PIEZO1: variants seen among roughly 807,000 people sequenced by gnomAD.
PIEZO1 encodes the protein piezo type mechanosensitive ion channel component 1 (Er blood group).
Under a neutral mutation model 297.2 loss-of-function variants are expected in PIEZO1, and 296 were observed. The observed-to-expected ratio is 1.00, with a 90% CI of 0.91 to 1.10. The LOEUF is 1.10. PIEZO1 is among the 50% of genes least tolerant of loss of function. The probability of loss-of-function intolerance (pLI) is 0.00; values close to 1 mark genes in which losing one functional copy is unlikely to be tolerated. For synonymous variants in PIEZO1, 2,427 were observed against 1,507.5 expected (o/e 1.61, Z -14.13); for missense variants, 5,018 against 3,455.5 (o/e 1.45, Z -11.34).
At chr16:88,725,155 TTGGAGACAGGATAGG>T (rs1904334056) in intron 29 of PIEZO1, 75 bp from the exon 30 acceptor site, 4 of 1,052,144 alleles carry the variant, frequency 3.8e-6, no homozygotes, top group Admixed American at 6.0e-5. Flanking sequence ...TGCTCCCGTC[TTGGAGACAGGATAGG>T]TGGAGACAGA....
intron 1 of PIEZO1, among the ~76,000 whole-genome samples, chr16:88,753,631 G>A (rs577290888): frequency 6.6e-6 from 1 of 152,182 alleles, no homozygotes; most frequent in African/African-American, 2.4e-5. Flanking sequence ...TCCCAAGAGT[G>A]GTCAGGACCC....
intron 1 of PIEZO1, among the ~76,000 whole-genome samples, chr16:88,774,683 G>T (rs1265855278): frequency 1.3e-5 from 2 of 152,248 alleles, no homozygotes; most frequent in Non-Finnish European, 2.9e-5. Flanking sequence ...AGACAAGGAT[G>T]GGGCCCAAGG....
At chr16:88,757,611 C>T (rs1163683771) in intron 1 of PIEZO1, among the ~76,000 whole-genome samples, 1 of 152,122 alleles carries the variant, frequency 6.6e-6, no homozygotes, top group East Asian at 1.9e-4. Flanking sequence ...GAAGGAGAGC[C>T]CATGGGTTGA....
intron 27 of PIEZO1, 186 bp downstream of exon 27, chr16:88,726,098 C>G: frequency 1.6e-6 from 1 of 606,640 alleles, no homozygotes; most frequent in South Asian, 2.0e-5. Context: ...AGACCCAGCA[C>G]TGGGGCAGAG....
chr16:88,778,106 A>C (rs995904592), intron 1 of PIEZO1, among the ~76,000 whole-genome samples: 2 of 152,084 alleles, frequency 1.3e-5, no homozygotes, highest in Admixed American at 6.5e-5. Flanking sequence ...GGGAGGGCGG[A>C]CAAACACACC....
intron 5 of PIEZO1, 50 bp from the exon 6 acceptor site, chr16:88,738,786 A>C: frequency 2.7e-6 from 4 of 1,465,308 alleles, no homozygotes; most frequent in Non-Finnish European, 3.7e-6. Context: ...CACTGACGCC[A>C]CCTCTCCAGC....
chr16:88,723,802 T>G (rs1904302901), intron 31 of PIEZO1, 69 bp downstream of exon 31: 1 of 843,242 alleles, frequency 1.2e-6, no homozygotes, highest in African/African-American at 1.7e-5. Flanking sequence ...TGACACCCTC[T>G]ATGCTGCCCT....
At chr16:88,734,287 C>A (rs1418173909) in intron 16 of PIEZO1, 69 bp downstream of exon 16, 2 of 1,387,318 alleles carry the variant, frequency 1.4e-6, no homozygotes, top group Non-Finnish European at 1.9e-6. Flanking sequence ...GTCCAACTCC[C>A]ACCTGGCTCC....
rs1904434629 is a variant in PIEZO1, at chr16:88,726,405, C to T, written c.3847G>A (p.Ala1283Thr). The T allele has an allele frequency of 1.3e-6, 2 of 1,550,518 alleles. No individual in the cohort carries two copies. The highest frequency in any genetic ancestry group is 1.4e-5 in the African/African-American group (1 of 73,166). The change falls in exon 27 of 51, where the codon GCT (alanine) becomes ACT (threonine). Residue 1283 changes from alanine to threonine, a missense_variant. Ala to Thr is a moderately conservative substitution (Grantham distance 58, BLOSUM62 0). Transcript: ENST00000301015. Reference protein sequence around the residue: ...DQDCLLPVEEAGIIWDSVCFF... With the variant: ...DQDCLLPVEETGIIWDSVCFF... ...CAGACGCTGTCCCAGATGATGCCAGCCTCCTCCACAGGCAGCAGGCAGTCC... is the reference window on the plus strand; with the variant it reads ...CAGACGCTGTCCCAGATGATGCCAGTCTCCTCCACAGGCAGCAGGCAGTCC...
intron 44 of PIEZO1, chr16:88,717,656 AAAAT>A (rs1912147288): frequency 6.7e-6 from 3 of 449,650 alleles, no homozygotes; most frequent in Non-Finnish European, 1.3e-5. Flanking sequence ...AGATATTACC[AAAAT>A]AAATACTTTG....
At position 88,734,964 on chromosome 16, in the gene PIEZO1, T is replaced by C; in HGVS notation, c.1759A>G (p.Met587Val). 1 of 1,550,508 alleles carries C rather than the reference T, an allele frequency of 6.4e-7. No individual in the cohort carries two copies. The highest frequency in any genetic ancestry group is 8.7e-7 in the Non-Finnish European group (1 of 1,146,968). ...AKYWIYVCAG[M>V]FIVVSFAGRL... ...CCGGCGAAGCTGACCACGATGAACA[T>C]GCCAGCACACACATAGATCCAGTAC... The change falls in exon 14 of 51, where the codon ATG becomes GTG. Residue 587 changes from methionine to valine, a missense_variant. Transcript: ENST00000301015.
In PIEZO1 at chr16:88,742,433, G is replaced by T. The variant is rs746900933; in HGVS notation, c.161-11C>A. 5 of 1,534,056 alleles carry T rather than the reference G, an allele frequency of 3.3e-6. No homozygotes were observed. Among genetic ancestry groups the T allele is most frequent in the Non-Finnish European group, 3.5e-6 (4 of 1,146,364 alleles). On this transcript the variant is annotated splice_polypyrimidine_tract_variant and intron_variant, in intron 2 of 50. Coordinates refer to ENST00000301015, the MANE Select transcript of PIEZO1 (RefSeq NM_001142864.4). ...GGCGGCCTGTGTGACCTGCGGCAGA[G>T]CGAGTGGGTGAGGCTGGTCCCGGGG...
chr16:88,722,638 C>T lies in PIEZO1; in HGVS notation c.4720G>A (p.Glu1574Lys), dbSNP rs773645030. ...VLDQLYTSQA[E>K]ATLPGPTEAP... is the part of the protein sequence containing the mutation. Reference sequence around the variant, plus strand: ...TCGGTGGGGCCTGGCAGCGTGGCCTCGGCCTGGCTTGTGTACAGCTGATCC... The same window carrying T: ...TCGGTGGGGCCTGGCAGCGTGGCCTTGGCCTGGCTTGTGTACAGCTGATCC... Residue 1574 changes from glutamate to lysine, a missense_variant, in exon 35 of 51, where the codon GAG (glutamate) becomes AAG (lysine). Coordinates refer to ENST00000301015, the MANE Select transcript of PIEZO1 (RefSeq NM_001142864.4). 29 of 1,538,416 alleles carry T rather than the reference C, an allele frequency of 1.9e-5. No homozygotes were observed. The highest frequency in any genetic ancestry group is 5.9e-5 in the Admixed American group (3 of 50,908).
chr16:88,727,851 C>G (rs917890436), intron 22 of PIEZO1, 190 bp from the exon 23 acceptor site: 1 of 397,310 alleles, frequency 2.5e-6, no homozygotes. Flanking sequence ...TCCTTCAACT[C>G]TGCACCAAGC....
intron 12 of PIEZO1, among the ~76,000 whole-genome samples, 158 bp from the exon 13 acceptor site, chr16:88,735,404 C>T (rs550033889): frequency 2.6e-5 from 4 of 152,362 alleles, no homozygotes; most frequent in South Asian, 4.1e-4. Context: ...AACACCCTCT[C>T]GCTCACACCC....
chr16:88,752,055 C>T (rs567416956), intron 1 of PIEZO1, among the ~76,000 whole-genome samples: 2 of 152,214 alleles, frequency 1.3e-5, no homozygotes, highest in African/African-American at 4.8e-5. Flanking sequence ...TGTGGGGAGG[C>T]CAGGGAGGTG....
rs1427121647 is a variant in PIEZO1, at chr16:88,715,792, C to T, written c.7379G>A (p.Ser2460Asn). Residue 2460 changes from serine (S) to asparagine (N), a missense_variant, in exon 51 of 51, where the codon AGC (serine) becomes AAC (asparagine). Physicochemically the swap from Ser to Asn is conservative, Grantham distance 46 (BLOSUM62 1). Coordinates refer to ENST00000301015, the MANE Select transcript of PIEZO1 (RefSeq NM_001142864.4). ...GAACATAATGGAGTGCGAGATCTCG[C>T]TGAAGAATCCGCGCACGAACTTGCC... ...VIGKFVRGFFSEISHSIMFEE... is the reference protein window; with the variant it reads ...VIGKFVRGFFNEISHSIMFEE... 8.4e-6 allele frequency: 13 copies of T among 1,550,346 alleles called. No homozygotes were observed. The highest frequency in any genetic ancestry group is 1.1e-5 in the Non-Finnish European group (13 of 1,146,956).
intron 1 of PIEZO1, among the ~76,000 whole-genome samples, chr16:88,750,072 C>T (rs898325477): frequency 8.6e-5 from 13 of 151,420 alleles, no homozygotes; most frequent in East Asian, 3.9e-4. Flanking sequence ...TGGTGGCTCA[C>T]GCCTGTAATC....
Position 88,737,573 on chromosome 16 carries a change from A to G in PIEZO1, c.1181T>C (p.Val394Ala). 1 of 1,533,218 alleles carries G rather than the reference A, an allele frequency of 6.5e-7. No individual in the cohort carries two copies. 95.0% of individuals were successfully genotyped at this position (1,533,218 alleles called of 1,614,324 possible). ...GCGGTACTCACCAGGCCGCCGCAGG[A>G]CGGAGCTCTGGCCGGTCAGCTCGTG... ...IVHELTGQSS[V>A]LRRPVRPKRA... Residue 394 changes from valine to alanine, a missense_variant, in exon 10 of 51, where the codon GTC (valine) becomes GCC (alanine). Coordinates refer to ENST00000301015, the MANE Select transcript of PIEZO1 (RefSeq NM_001142864.4).
Sources: gnomAD v4.1 joint callset for allele counts (sites outside exome capture counted in the v4.1 genomes callset) on GRCh38, gnomAD v4.1.1 for gene constraint, MANE v1.5 for transcripts, NCBI Gene and HGNC (gene_info 2026-07-23, HGNC 2026-07-21) for gene names.